Variants in MYH9 observed in about 807,000 individuals in gnomAD.
The protein encoded by MYH9 is myosin-9.
MYH9 carries 29 observed loss-of-function variants against 241.9 expected under a neutral mutation model. That is an observed-to-expected ratio of 0.12 (90% CI 0.09 to 0.16). The LOEUF is 0.16. Among genes scored for constraint, MYH9 ranks in the 10% least tolerant of loss-of-function variants. The pLI, the probability that MYH9 is intolerant of heterozygous loss-of-function variation, is 1.00. For missense variants in MYH9, 1,803 were observed against 2,595.5 expected (o/e 0.69, Z 6.63); for synonymous variants, 1,047 against 1,062.6 (o/e 0.99, Z 0.29).
intron 1 of MYH9, among the ~76,000 whole-genome samples, chr22:36,350,788 C>T (rs770378327): frequency 5.3e-5 from 8 of 152,140 alleles, no homozygotes; most frequent in Non-Finnish European, 7.4e-5. Context: ...TGCTCAGAGG[C>T]GCAGGCTGGG....
rs1164719861 is a variant in MYH9, at chr22:36,281,814, T to C, written c.*854A>G. On this transcript the variant is annotated 3_prime_UTR_variant, in exon 41 of 41. Coordinates refer to ENST00000216181, the MANE Select transcript of MYH9 (RefSeq NM_002473.6). The stretch of plus-strand genomic sequence containing the variant: ...ACACAAGATCGCCTGGGAGGGCCGC[T>C]GGCCCCTCTAACGCTCTGGCTGTCA... The C allele has an allele frequency of 4.3e-6, 1 of 231,394 alleles. No individual in the cohort carries two copies. The highest frequency in any genetic ancestry group is 8.6e-6 in the Non-Finnish European group (1 of 116,614). The allele number at this position is 231,394 out of a possible 1,614,324, so 14.3% of individuals were successfully genotyped here.
intron 23 of MYH9, among the ~76,000 whole-genome samples, chr22:36,299,456 C>T (rs772667698): frequency 1.3e-5 from 2 of 152,212 alleles, no homozygotes; most frequent in African/African-American, 4.8e-5. Flanking sequence ...TCTTCAGCCC[C>T]GCGGTGCCCC....
At chr22:36,361,998 G>A (rs2017942215) in intron 1 of MYH9, among the ~76,000 whole-genome samples, 1 of 152,166 alleles carries the variant, frequency 6.6e-6, no homozygotes, top group Non-Finnish European at 1.5e-5. Flanking sequence ...GAACCCAGGA[G>A]GCAGAGGTTG....
chr22:36,321,868 G>C (rs1213918721), intron 6 of MYH9, 47 bp from the exon 7 acceptor site: 1 of 1,545,470 alleles, frequency 6.5e-7, no homozygotes, highest in African/African-American at 1.4e-5. Flanking sequence ...CCTGACATGG[G>C]GAGCTAGAGA....
rs45614543 is a variant in MYH9, at chr22:36,319,773, C to T, written c.1013-138G>A. The T allele has an allele frequency of 2.5e-3, 2,131 of 869,710 alleles. 8 individuals are homozygous for T. The highest frequency in any genetic ancestry group is 3.5e-3 in the Non-Finnish European group (1,889 of 538,274). 53.9% of individuals were successfully genotyped at this position (869,710 alleles called of 1,614,324 possible). ...CCCCAACTCCCTGGGGCCACAGGGG[C>T]GCCAGGTCTGCGTCTAACGGTGTGC... On this transcript the variant is annotated intron_variant, in intron 9 of 40. Transcript: ENST00000216181.
chr22:36,338,598 T>C (rs1228428533), intron 3 of MYH9, among the ~76,000 whole-genome samples: 1 of 151,496 alleles, frequency 6.6e-6, no homozygotes, highest in Non-Finnish European at 1.5e-5. Context: ...GGCGGGTGGA[T>C]CATGAGGTTA....
intron 3 of MYH9, among the ~76,000 whole-genome samples, chr22:36,339,314 T>C (rs1008456686): frequency 1.3e-5 from 2 of 152,156 alleles, no homozygotes; most frequent in African/African-American, 4.8e-5. Context: ...TCAAGATGAC[T>C]CCGGAGTACA....
chr22:36,319,906 G>A (rs2017223154), intron 9 of MYH9: 2 of 610,214 alleles, frequency 3.3e-6, no homozygotes, highest in East Asian at 5.6e-5. Context: ...TCTATCCCCA[G>A]CTTCTTCCAC....
intron 31 of MYH9, among the ~76,000 whole-genome samples, chr22:36,289,993 A>G (rs1296120686): frequency 6.6e-6 from 1 of 152,140 alleles, no homozygotes; most frequent in Non-Finnish European, 1.5e-5. Flanking sequence ...TACAAAATGC[A>G]GGGGCCGGAT....
intron 24 of MYH9, chr22:36,297,254 C>T (rs2016803239): frequency 3.5e-6 from 2 of 570,106 alleles, no homozygotes; most frequent in South Asian, 2.0e-5. Flanking sequence ...GAATTAAGTA[C>T]TCTCCTAAAG....
chr22:36,354,782 G>A (rs2017826279), intron 1 of MYH9, among the ~76,000 whole-genome samples: 1 of 151,930 alleles, frequency 6.6e-6, no homozygotes, highest in African/African-American at 2.4e-5. Flanking sequence ...CCCAGGAGTG[G>A]AGTTACGGGA....
chr22:36,312,835 G>A (rs972409810), intron 13 of MYH9, among the ~76,000 whole-genome samples: 4 of 152,176 alleles, frequency 2.6e-5, no homozygotes, highest in Admixed American at 6.5e-5. Context: ...TTGGCCAGGC[G>A]CGGTGGCTCA....
Position 36,326,666 on chromosome 22 carries a change from C to T in MYH9, c.519-5G>A. 6.2e-7 allele frequency: 1 copy of T among 1,613,446 alleles called. No homozygotes were observed. The highest frequency in any genetic ancestry group is 8.5e-7 in the Non-Finnish European group (1 of 1,179,368). On this transcript the variant is annotated splice_polypyrimidine_tract_variant and splice_region_variant and intron_variant, in intron 4 of 40. Coordinates refer to ENST00000216181, the MANE Select transcript of MYH9 (RefSeq NM_002473.6). ...TTGCCAGCTCCAGATTCACCACTAC[C>T]AAGAGAGGCAAGGAAGTCCCGGGCT...
chr22:36,368,861 G>C (rs993573656), intron 1 of MYH9, among the ~76,000 whole-genome samples: 1 of 136,386 alleles, frequency 7.3e-6, no homozygotes, highest in Non-Finnish European at 1.6e-5. Context: ...CCCCGTCCGC[G>C]ATAGAGCATC....
chr22:36,306,035 G>A lies in MYH9; in HGVS notation c.2054C>T (p.Pro685Leu), dbSNP rs779853972. The change falls in exon 17 of 41, where the codon CCG becomes CTG. Residue 685 changes from proline to leucine, a missense_variant. This residue lies in a region of MYH9 where 163 missense variants were observed against 349.7 expected (regional missense o/e 0.47). Coordinates refer to ENST00000216181, the MANE Select transcript of MYH9 (RefSeq NM_002473.6). The surrounding 1 kb of genome is among the most constrained non-coding windows in gnomAD (Gnocchi z 4.1). ...GCGCAGCTGGTCCAGCACGAGATGC[G>A]GGTCCAGCTTGCCGGCCTGGAGAAG... ...NHEKKAGKLD[P>L]HLVLDQLRCN... 11 of 1,613,250 alleles carry A rather than the reference G, an allele frequency of 6.8e-6. No individual in the cohort carries two copies. The highest frequency in any genetic ancestry group is 6.6e-5 in the South Asian group (6 of 91,086).
intron 2 of MYH9, among the ~76,000 whole-genome samples, chr22:36,347,117 C>A (rs2017688981): frequency 6.6e-6 from 1 of 152,090 alleles, no homozygotes; most frequent in Non-Finnish European, 1.5e-5. Flanking sequence ...TGATATTGGA[C>A]AGGACTTTGT....
At chr22:36,341,219 TC>T in intron 3 of MYH9, 150 bp downstream of exon 3, 1 of 915,750 alleles carries the variant, frequency 1.1e-6, no homozygotes, top group South Asian at 1.4e-5. Context: ...GCCCTGGCTT[TC>T]ATACAGAGGT....
At chr22:36,313,484 C>T (rs1311373006) in intron 13 of MYH9, among the ~76,000 whole-genome samples, 1 of 131,668 alleles carries the variant, frequency 7.6e-6, no homozygotes, top group Non-Finnish European at 1.7e-5. Context: ...AGAAGAAAAC[C>T]CAGACACAGG....
In MYH9 at chr22:36,301,061, CA is replaced by C; in HGVS notation, c.2632-5del. On this transcript the variant is annotated splice_region_variant and splice_polypyrimidine_tract_variant and intron_variant, in intron 21 of 40. Coordinates refer to ENST00000216181, the MANE Select transcript of MYH9 (RefSeq NM_002473.6). ...GCTGCAATTTCTCTGCCATGAGCTG[CA>C]AACAACAAGTGGAAAACACAAGCTC... 3 of 1,608,540 alleles carry C rather than the reference CA, an allele frequency of 1.9e-6. No individual in the cohort carries two copies. The highest frequency in any genetic ancestry group is 2.5e-6 in the Non-Finnish European group (3 of 1,179,922).
Sources: allele counts gnomAD v4.1 joint callset (sites outside exome capture counted in the v4.1 genomes callset), GRCh38; gene constraint gnomAD v4.1.1; regional missense constraint gnomAD v4.1.1; non-coding constraint Gnocchi (gnomAD v3.1); transcripts MANE v1.5; gene names NCBI Gene and HGNC (gene_info 2026-07-23, HGNC 2026-07-21).